The following GABRG3 variants were observed in gnomAD, a reference collection of about 807,000 sequenced individuals.
The protein encoded by GABRG3 is gamma-aminobutyric acid type A receptor subunit gamma3.
In GABRG3, 25 loss-of-function variants were observed where a neutral mutation model predicts 48.8. That is an observed-to-expected ratio of 0.51 (90% confidence interval 0.37 to 0.72). The LOEUF (loss-of-function observed/expected upper bound fraction) is 0.72, where lower values mean the gene tolerates loss of function less well. GABRG3 is among the 30% of genes least tolerant of loss of function. The pLI is 0.00. For synonymous variants in GABRG3, 227 were observed against 217.6 expected (o/e 1.04, Z -0.38); for missense variants, 394 against 577.9 (o/e 0.68, Z 3.26).
intron 5 of GABRG3, among the ~76,000 whole-genome samples, chr15:27,339,187 G>A (rs748169029): frequency 6.6e-6 from 1 of 152,246 alleles, no homozygotes; most frequent in Non-Finnish European, 1.5e-5. Flanking sequence ...CTCACACAGA[G>A]GTAAGAGGTG....
rs141446819 is a variant in GABRG3, at chr15:27,328,806, G to A, written c.492G>A (p.Arg164=). ...AGACTGACACTTGGCTTTTTCGCAG[G>A]CTCACCATCAATGCTGAGTGCCAGC... is the stretch of plus-strand genomic sequence containing the variant. ...WNDGKILYTL[R]LTINAECQLQ... is the part of the protein sequence containing the mutation. Residue 164 remains arginine, a splice_region_variant and synonymous_variant, in exon 5 of 10, where the codon AGG becomes AGA. Coordinates refer to ENST00000615808, the MANE Select transcript of GABRG3 (RefSeq NM_033223.5). 17 of 1,613,730 alleles carry A rather than the reference G, an allele frequency of 1.1e-5. No homozygotes were observed. In the African/African-American group the frequency reaches 1.2e-4, roughly 11 times the overall value.
At chr15:27,409,733 A>C (rs1435402209) in intron 5 of GABRG3, among the ~76,000 whole-genome samples, 6 of 152,126 alleles carry the variant, frequency 3.9e-5, no homozygotes, top group Non-Finnish European at 4.4e-5. Flanking sequence ...TTATATCTTT[A>C]TTAGTATGTA....
chr15:27,372,179 A>G (rs1357181081), intron 5 of GABRG3, among the ~76,000 whole-genome samples: 1 of 152,120 alleles, frequency 6.6e-6, no homozygotes, highest in African/African-American at 2.4e-5. Flanking sequence ...ATATATCACT[A>G]TTATTCTGAC....
intron 5 of GABRG3, among the ~76,000 whole-genome samples, chr15:27,429,248 A>G (rs1034563227): frequency 2.6e-5 from 4 of 152,204 alleles, no homozygotes; most frequent in African/African-American, 9.7e-5. Context: ...ATGGAAGGAA[A>G]GGAGATGCCC....
rs1893631104 is a variant in GABRG3 at position 27,326,826 on chromosome 15, A to G, written c.288A>G (p.Ile96Met). ...SSINMEYQID[I>M]FFAQTWTDSR... Reference sequence around the variant, plus strand: ...TGTTTCAGGAATACCAAATTGACATATTTTTTGCTCAGACCTGGACAGATA... The same window carrying G: ...TGTTTCAGGAATACCAAATTGACATGTTTTTTGCTCAGACCTGGACAGATA... Residue 96 changes from isoleucine to methionine, a missense_variant, in exon 4 of 10, where the codon ATA becomes ATG. Ile to Met is a conservative substitution (Grantham distance 10, BLOSUM62 1). This residue lies in a region of GABRG3 where 218 missense variants were observed against 309.9 expected (regional missense o/e 0.70). Transcript: ENST00000615808. 1.2e-6 allele frequency: 2 copies of G among 1,613,604 alleles called. No individual in the cohort carries two copies. Among genetic ancestry groups the G allele is most frequent in the African/African-American group, 2.7e-5 (2 of 74,910 alleles).
At chr15:27,187,717 A>AT (rs928203466) in intron 3 of GABRG3, among the ~76,000 whole-genome samples, 1 of 151,610 alleles carries the variant, frequency 6.6e-6, no homozygotes, top group African/African-American at 2.4e-5. Context: ...TTCAATGTTA[A>AT]TTTTTTTTAT....
intron 5 of GABRG3, among the ~76,000 whole-genome samples, chr15:27,419,295 T>G (rs373849205): frequency 1.2e-3 from 179 of 152,208 alleles, no homozygotes; most frequent in African/African-American, 4.0e-3. Flanking sequence ...CGCCACAGCT[T>G]TCATGACCAC....
intron 2 of GABRG3, among the ~76,000 whole-genome samples, chr15:27,024,916 T>C (rs7168194): frequency 0.66 from 100,540 of 151,298 alleles, 33,526 homozygotes; most frequent in African/African-American, 0.71. Context: ...ATCCCAGCTA[T>C]TTGGGAGGCT....
chr15:27,532,245 TTGAAACTGCAA>T (rs1048888302), intron 9 of GABRG3, among the ~76,000 whole-genome samples: 6 of 152,064 alleles, frequency 3.9e-5, no homozygotes, highest in African/African-American at 1.4e-4. Context: ...AATACAAGAT[TTGAAACTGCAA>T]TGCAATTTTC....
intron 2 of GABRG3, among the ~76,000 whole-genome samples, chr15:26,979,041 G>A (rs1325076435): frequency 6.6e-6 from 1 of 152,166 alleles, no homozygotes; most frequent in Non-Finnish European, 1.5e-5. Context: ...GGTATGTCCT[G>A]AATGTATTTT....
intron 5 of GABRG3, among the ~76,000 whole-genome samples, chr15:27,396,776 C>A (rs1887311941): frequency 6.6e-6 from 1 of 152,080 alleles, no homozygotes; most frequent in African/African-American, 2.4e-5. Context: ...TGCTGTACAT[C>A]CACATAATGA....
rs527420185 is a variant in GABRG3 at position 27,152,900 on chromosome 15, G to A, written c.270+126079G>A. On this transcript the variant is annotated intron_variant, in intron 3 of 9. Coordinates refer to ENST00000615808, the MANE Select transcript of GABRG3 (RefSeq NM_033223.5). ...TTTTGAGATGGAGTCTCGCTCTGTC[G>A]CCCAGGCTGGAGTGCAGTGGCGCGA... 2.6e-4 allele frequency among the ~76,000 whole-genome samples: 37 copies of A among 143,430 alleles called. No homozygotes were observed. In the South Asian group the frequency reaches 6.6e-3, roughly 25 times the overall value. 94.1% of individuals were successfully genotyped at this position (143,430 alleles called of 152,430 possible). A position where few individuals can be genotyped will look rare whatever the true frequency, so the allele number is the denominator to read the frequency against.
Position 27,245,256 on chromosome 15 carries a change from G to A in GABRG3, c.271-81553G>A, listed in dbSNP as rs75333716. Among the ~76,000 whole-genome samples the A allele has an allele frequency of 2.9e-3, 444 of 152,262 alleles. 2 individuals are homozygous for A. Among genetic ancestry groups the A allele is most frequent in the African/African-American group, 0.01 (422 of 41,546 alleles). The stretch of plus-strand genomic sequence containing the variant: ...AGAGTGAGTGACTGAAAAAGCTGGT[G>A]AAACAACCCAGCCGTTTGGAAACAC... On this transcript the variant is annotated intron_variant, in intron 3 of 9. Coordinates refer to ENST00000615808, the MANE Select transcript of GABRG3 (RefSeq NM_033223.5).
intron 5 of GABRG3, chr15:27,418,919 A>G (rs1471518084): frequency 1.3e-5 from 2 of 152,188 alleles, no homozygotes; most frequent in Admixed American, 1.3e-4. Flanking sequence ...GGTTGCCATG[A>G]CAACTCGGGG....
rs1156553867 is a variant in GABRG3 at position 26,976,510 on chromosome 15, G to A, written c.54-492G>A. Among the ~76,000 whole-genome samples the A allele has an allele frequency of 6.6e-6, 1 of 152,030 alleles. No homozygotes were observed. The highest frequency in any genetic ancestry group is 1.5e-5 in the Non-Finnish European group (1 of 68,034). On this transcript the variant is annotated intron_variant, in intron 1 of 9. Transcript: ENST00000615808. The surrounding 1 kb of genome is among the most constrained non-coding windows in gnomAD (Gnocchi z 7.8). ...CCCCAGATTCCCGCCTCCAAGAGAAGCACTGAGTCAGACTCAACTATTTTG... is the reference window on the plus strand; with the variant it reads ...CCCCAGATTCCCGCCTCCAAGAGAAACACTGAGTCAGACTCAACTATTTTG...
rs146028465 is a variant in GABRG3, at chr15:27,043,680, C to G, written c.270+16859C>G. 1.3e-3 allele frequency among the ~76,000 whole-genome samples: 203 copies of G among 152,298 alleles called. 2 individuals are homozygous for G. The East Asian group carries it at 0.034, about 25-fold the overall frequency. ...GGCATTGCTTGATTCTAGAATTGTC[C>G]TAATTTTTGTCTTTTAACAGTGTGA... On this transcript the variant is annotated intron_variant, in intron 3 of 9. Transcript: ENST00000615808.
chr15:27,206,627 G>A (rs1477065768), intron 3 of GABRG3, among the ~76,000 whole-genome samples: 1 of 152,076 alleles, frequency 6.6e-6, no homozygotes. Context: ...CTTGATTATA[G>A]GTCTAATACT....
chr15:27,267,794 T>C (rs1039169274), intron 3 of GABRG3, among the ~76,000 whole-genome samples: 11 of 152,222 alleles, frequency 7.2e-5, no homozygotes, highest in Admixed American at 7.2e-4. Context: ...TTATATGCTT[T>C]CCTTTTTTAG....
At chr15:27,512,327 A>T (rs1209032608) in intron 6 of GABRG3, among the ~76,000 whole-genome samples, 1 of 152,134 alleles carries the variant, frequency 6.6e-6, no homozygotes, top group African/African-American at 2.4e-5. Context: ...ATGCATTTTT[A>T]TGGAGTAAAT....
Sources: gnomAD v4.1 joint callset for allele counts (sites outside exome capture counted in the v4.1 genomes callset) on GRCh38, gnomAD v4.1.1 for gene constraint, gnomAD v4.1.1 regional missense constraint, Gnocchi (gnomAD v3.1) non-coding constraint, MANE v1.5 for transcripts, NCBI Gene and HGNC (gene_info 2026-07-23, HGNC 2026-07-21) for gene names.